The following CNTNAP2 variants were observed in gnomAD, a reference collection of about 807,000 sequenced individuals.
CNTNAP2 encodes contactin-associated protein-like 2.
Under a neutral mutation model 155.2 loss-of-function variants are expected in CNTNAP2, and 98 were observed. The observed-to-expected ratio is 0.63, with a 90% CI of 0.54 to 0.75. The LOEUF is 0.75. CNTNAP2 is among the 30% of genes least tolerant of loss of function. The pLI is 0.00. For missense variants in CNTNAP2, 1,727 were observed against 1,688.1 expected, an observed-to-expected ratio of 1.02 and a Z score of -0.40; for synonymous variants, 651 against 631.2, an observed-to-expected ratio of 1.03 and a Z score of -0.47.
At chr7:146,993,875 T>G (rs1272636022) in intron 3 of CNTNAP2, among the ~76,000 whole-genome samples, 2 of 152,164 alleles carry the variant, frequency 1.3e-5, no homozygotes, top group Non-Finnish European at 2.9e-5. Context: ...AGGCTTGCCT[T>G]TGACAATTTC....
At position 147,461,271 on chromosome 7, in the gene CNTNAP2, A is replaced by G. The variant is rs932404446; in HGVS notation, c.1671-24664A>G. ...TTAGGTTTGGAAATGCATCTTTGCTACTGAGACACAAACCCCTAAAAACAA... is the reference window on the plus strand; with the variant it reads ...TTAGGTTTGGAAATGCATCTTTGCTGCTGAGACACAAACCCCTAAAAACAA... On this transcript the variant is annotated intron_variant, in intron 10 of 23. Coordinates refer to ENST00000361727, the MANE Select transcript of CNTNAP2 (RefSeq NM_014141.6). Among the ~76,000 whole-genome samples, 3 of 152,232 alleles carry G rather than the reference A, an allele frequency of 2.0e-5. No individual in the cohort carries two copies. In the East Asian group the frequency reaches 5.8e-4, roughly 29 times the overall value.
At chr7:147,928,027 TC>T (rs1215388770) in intron 14 of CNTNAP2, among the ~76,000 whole-genome samples, 1 of 152,216 alleles carries the variant, frequency 6.6e-6, no homozygotes, top group African/African-American at 2.4e-5. Context: ...GGGCAGTTTT[TC>T]CCATACTGTC....
intron 1 of CNTNAP2, among the ~76,000 whole-genome samples, chr7:146,159,045 G>A (rs1048993217): frequency 7.9e-5 from 12 of 152,168 alleles, no homozygotes; most frequent in African/African-American, 2.2e-4. Flanking sequence ...CAGATCTCTC[G>A]ACAGAAACTC....
intron 15 of CNTNAP2, among the ~76,000 whole-genome samples, chr7:148,066,391 G>T (rs1028499005): frequency 5.3e-5 from 8 of 152,166 alleles, no homozygotes; most frequent in Non-Finnish European, 1.2e-4. Flanking sequence ...CAAACATTTA[G>T]ATTTCTCTTC....
At chr7:146,420,035 C>T (rs1795989698) in intron 1 of CNTNAP2, among the ~76,000 whole-genome samples, 1 of 152,042 alleles carries the variant, frequency 6.6e-6, no homozygotes, top group Admixed American at 6.6e-5. Context: ...AACTGTTTTC[C>T]CTTTGGGCCA....
At chr7:148,329,354 C>G (rs919874224) in intron 21 of CNTNAP2, among the ~76,000 whole-genome samples, 1 of 152,296 alleles carries the variant, frequency 6.6e-6, no homozygotes, top group East Asian at 1.9e-4. Context: ...AAGAAGTCCC[C>G]GGTGGCTCAG....
Position 148,383,634 on chromosome 7 carries a change from C to CT in CNTNAP2, c.3476-8dup, listed in dbSNP as rs778811922. 5 of 1,614,114 alleles carry CT rather than the reference C, an allele frequency of 3.1e-6. No homozygotes were observed. Among genetic ancestry groups the CT allele is most frequent in the Non-Finnish European group, 3.4e-6 (4 of 1,180,014 alleles). On this transcript the variant is annotated splice_polypyrimidine_tract_variant and intron_variant, in intron 21 of 23. Coordinates refer to ENST00000361727, the MANE Select transcript of CNTNAP2 (RefSeq NM_014141.6). ...GGTGAGTCAAGTAACATTTTCATTT[C>CT]TTTTTTTCTTTTAGAAACAGGGAAA...
chr7:147,528,666 A>G (rs1411827965), intron 11 of CNTNAP2, among the ~76,000 whole-genome samples: 1 of 152,140 alleles, frequency 6.6e-6, no homozygotes, highest in East Asian at 1.9e-4. Context: ...TAACAATTTT[A>G]TATTCCTGGT....
intron 13 of CNTNAP2, among the ~76,000 whole-genome samples, chr7:147,661,014 C>T (rs929541387): frequency 2.0e-5 from 3 of 152,040 alleles, no homozygotes; most frequent in African/African-American, 4.8e-5. Flanking sequence ...ATTACTTATA[C>T]CCAGACTTCT....
intron 3 of CNTNAP2, among the ~76,000 whole-genome samples, chr7:146,909,304 G>C (rs1400231445): frequency 7.5e-6 from 1 of 133,434 alleles, no homozygotes; most frequent in African/African-American, 2.9e-5. Context: ...CTCATTTTAT[G>C]AGGCCAGCAT....
chr7:147,157,793 T>C (rs965147856), intron 8 of CNTNAP2, among the ~76,000 whole-genome samples: 33 of 152,224 alleles, frequency 2.2e-4, no homozygotes, highest in African/African-American at 7.7e-4. Context: ...TATGAATAAG[T>C]TTCATATGCT....
At chr7:147,385,663 C>A (rs1007918113) in intron 9 of CNTNAP2, among the ~76,000 whole-genome samples, 74 of 152,344 alleles carry the variant, frequency 4.9e-4, no homozygotes, top group African/African-American at 1.6e-3. Flanking sequence ...AGCTCTGCCC[C>A]TGTGGCTTTG....
At chr7:146,715,333 A>G (rs972689727) in intron 1 of CNTNAP2, among the ~76,000 whole-genome samples, 2 of 152,166 alleles carry the variant, frequency 1.3e-5, no homozygotes, top group Admixed American at 6.6e-5. Flanking sequence ...ACTCCATCTC[A>G]AGAAAACAAA....
At chr7:147,544,150 A>T (rs547070520) in intron 11 of CNTNAP2, among the ~76,000 whole-genome samples, 1 of 152,308 alleles carries the variant, frequency 6.6e-6, no homozygotes, top group East Asian at 1.9e-4. Context: ...ATCTGTAAAA[A>T]TCTGAAACTT....
chr7:146,993,534 C>T (rs1798248639), intron 3 of CNTNAP2, among the ~76,000 whole-genome samples: 1 of 151,954 alleles, frequency 6.6e-6, no homozygotes, highest in South Asian at 2.1e-4. Context: ...CTGGCTGTGA[C>T]CAGTTATTAT....
At chr7:146,832,601 A>C (rs28648535) in intron 2 of CNTNAP2, among the ~76,000 whole-genome samples, 1 of 147,974 alleles carries the variant, frequency 6.8e-6, no homozygotes, top group Non-Finnish European at 1.5e-5. Flanking sequence ...CAATATATTT[A>C]TTATATATTA....
chr7:147,687,431 A>G (rs890396381), intron 13 of CNTNAP2, among the ~76,000 whole-genome samples: 2 of 152,088 alleles, frequency 1.3e-5, no homozygotes, highest in Non-Finnish European at 2.9e-5. Flanking sequence ...TTCTTAATGA[A>G]GTAAGAAGCT....
At chr7:147,568,232 A>C (rs1800215009) in intron 12 of CNTNAP2, among the ~76,000 whole-genome samples, 1 of 152,218 alleles carries the variant, frequency 6.6e-6, no homozygotes, top group African/African-American at 2.4e-5. Context: ...GAGACATGAA[A>C]AAAATCACTG....
intron 4 of CNTNAP2, among the ~76,000 whole-genome samples, chr7:147,076,562 T>C (rs1472087233): frequency 6.6e-6 from 1 of 152,232 alleles, no homozygotes; most frequent in Non-Finnish European, 1.5e-5. Context: ...TATTTTTAAG[T>C]GAATAAATTT....
Sources: allele counts gnomAD v4.1 joint callset (sites outside exome capture counted in the v4.1 genomes callset), GRCh38; gene constraint gnomAD v4.1.1; transcripts MANE v1.5; gene names NCBI Gene and HGNC (gene_info 2026-07-23, HGNC 2026-07-21).